TPD52L1: variants seen among roughly 807,000 people sequenced by gnomAD.
TPD52L1 encodes the protein tumor protein D53.
A neutral mutation model predicts 28.7 loss-of-function variants in TPD52L1; 18 were observed. That is an observed-to-expected ratio of 0.63 (90% CI 0.43 to 0.93). The LOEUF is 0.93. Ranked by LOEUF, TPD52L1 falls within the 40% of genes least tolerant of loss-of-function variation. The pLI is 0.00. For synonymous variants in TPD52L1, 75 were observed against 88.8 expected, an observed-to-expected ratio of 0.84 and a Z score of 0.88; for missense variants, 203 against 254.8, an observed-to-expected ratio of 0.80 and a Z score of 1.39.
intron 2 of TPD52L1, among the ~76,000 whole-genome samples, chr6:125,225,345 A>G (rs1795539194): frequency 1.3e-5 from 2 of 152,154 alleles, no homozygotes; most frequent in African/African-American, 4.8e-5. Context: ...CCAGTTCTCA[A>G]TTCTTTGGGG....
intron 1 of TPD52L1, among the ~76,000 whole-genome samples, chr6:125,159,143 T>C (rs1264661584): frequency 1.3e-5 from 2 of 152,210 alleles, no homozygotes; most frequent in Non-Finnish European, 2.9e-5. Flanking sequence ...ACTATTCCTT[T>C]CAAGAAGATT....
At chr6:125,160,561 T>G (rs1199433284) in intron 1 of TPD52L1, among the ~76,000 whole-genome samples, 1 of 152,078 alleles carries the variant, frequency 6.6e-6, no homozygotes, top group Non-Finnish European at 1.5e-5. Flanking sequence ...TAGAACTTTT[T>G]GAATAGTAAG....
chr6:125,189,645 G>A (rs1373975266), intron 1 of TPD52L1, among the ~76,000 whole-genome samples: 2 of 152,168 alleles, frequency 1.3e-5, no homozygotes, highest in South Asian at 2.1e-4. Context: ...TTGTGTGGGT[G>A]TTGTCAAAAG....
intron 3 of TPD52L1, among the ~76,000 whole-genome samples, chr6:125,246,951 A>G (rs1470564825): frequency 6.6e-6 from 1 of 152,124 alleles, no homozygotes; most frequent in Non-Finnish European, 1.5e-5. Context: ...TGTGTTAATA[A>G]ATAACATATA....
chr6:125,188,523 A>T (rs1452649748), intron 1 of TPD52L1, among the ~76,000 whole-genome samples: 1 of 152,204 alleles, frequency 6.6e-6, no homozygotes, highest in Non-Finnish European at 1.5e-5. Context: ...AATACATTTT[A>T]TATCACATTG....
chr6:125,260,949 AAAG>A (rs1797913576), intron 6 of TPD52L1: 1 of 39,084 alleles, frequency 2.6e-5, no homozygotes, highest in East Asian at 7.5e-4. Context: ...AGAAAGAAAG[AAAG>A]AAAGAAAGAA....
At chr6:125,248,497 A>G in intron 4 of TPD52L1, 114 bp downstream of exon 4, 2 of 715,764 alleles carry the variant, frequency 2.8e-6, no homozygotes, top group African/African-American at 1.8e-5. Context: ...TTTAATGGAT[A>G]AAAATGTTAT....
chr6:125,162,255 A>G (rs959144910), intron 1 of TPD52L1, among the ~76,000 whole-genome samples: 1 of 152,292 alleles, frequency 6.6e-6, no homozygotes, highest in Non-Finnish European at 1.5e-5. Context: ...CAAATCATAT[A>G]CCACTGTTTT....
At chr6:125,248,844 A>G (rs1797081723) in intron 4 of TPD52L1, among the ~76,000 whole-genome samples, 2 of 152,206 alleles carry the variant, frequency 1.3e-5, no homozygotes, top group East Asian at 1.9e-4. Context: ...GGTACCACAC[A>G]TATACACTTC....
intron 1 of TPD52L1, among the ~76,000 whole-genome samples, chr6:125,210,583 A>AC (rs879550939): frequency 0.5 from 76,456 of 151,832 alleles, 19,579 homozygotes; most frequent in East Asian, 0.65. Context: ...ACTGGTGTAT[A>AC]TGCATGTAAG....
intron 1 of TPD52L1, among the ~76,000 whole-genome samples, chr6:125,172,851 T>C (rs555372454): frequency 8.1e-4 from 123 of 151,916 alleles, no homozygotes; most frequent in Non-Finnish European, 1.5e-3. Flanking sequence ...GAAAGTCTAC[T>C]GGCTCCTGGT....
intron 1 of TPD52L1, among the ~76,000 whole-genome samples, chr6:125,175,680 T>G (rs942012159): frequency 3.3e-5 from 5 of 152,108 alleles, no homozygotes; most frequent in African/African-American, 1.2e-4. Context: ...GGACAAGAGA[T>G]GCTTCTAATG....
intron 3 of TPD52L1, among the ~76,000 whole-genome samples, chr6:125,238,819 A>T (rs575901716): frequency 6.6e-6 from 1 of 152,310 alleles, no homozygotes; most frequent in Admixed American, 6.5e-5. Flanking sequence ...AATAAAGAAA[A>T]ATTTGGACTT....
chr6:125,242,489 G>C (rs1031840401), intron 3 of TPD52L1, among the ~76,000 whole-genome samples: 1 of 152,044 alleles, frequency 6.6e-6, no homozygotes, highest in African/African-American at 2.4e-5. Flanking sequence ...CGGTGCATAT[G>C]TATTTAGGAT....
chr6:125,160,988 G>A (rs906822716), intron 1 of TPD52L1, among the ~76,000 whole-genome samples: 6 of 152,014 alleles, frequency 3.9e-5, no homozygotes, highest in African/African-American at 1.4e-4. Context: ...GAATAGCAGG[G>A]ATTACAGGTG....
At chr6:125,224,779 A>G (rs1333387965) in intron 2 of TPD52L1, among the ~76,000 whole-genome samples, 2 of 152,248 alleles carry the variant, frequency 1.3e-5, no homozygotes, top group Admixed American at 6.5e-5. Context: ...AATCTAGCAG[A>G]TAAAACTGAA....
In TPD52L1 at chr6:125,263,097, C is replaced by T. The variant is rs1798152420; in HGVS notation, c.*135C>T. The T allele has an allele frequency of 9.2e-7, 1 of 1,086,912 alleles. No individual in the cohort carries two copies. The highest frequency in any genetic ancestry group is 1.3e-6 in the Non-Finnish European group (1 of 786,770). The allele number at this position is 1,086,912 out of a possible 1,614,324, so 67.3% of individuals were successfully genotyped here. A position where few individuals can be genotyped will look rare whatever the true frequency, so the allele number is the denominator to read the frequency against. ...TGACATTGTTATTCAAATGGCCCCT[C>T]CAGAAAGTTTAATGATTTCCATTTG... On this transcript the variant is annotated 3_prime_UTR_variant, in exon 7 of 7. Coordinates refer to ENST00000534000, the MANE Select transcript of TPD52L1 (RefSeq NM_003287.4).
intron 1 of TPD52L1, among the ~76,000 whole-genome samples, chr6:125,199,750 A>G (rs998441403): frequency 6.6e-5 from 10 of 152,260 alleles, no homozygotes; most frequent in Non-Finnish European, 1.3e-4. Context: ...TACAAATTAA[A>G]TGTGCTAGAA....
At chr6:125,257,478 G>T (rs1447442022) in intron 6 of TPD52L1, among the ~76,000 whole-genome samples, 1 of 152,192 alleles carries the variant, frequency 6.6e-6, no homozygotes, top group Non-Finnish European at 1.5e-5. Context: ...AAGGCTATAT[G>T]AATTCTGAAT....
Sources: gnomAD v4.1 joint callset for allele counts (sites outside exome capture counted in the v4.1 genomes callset) on GRCh38, gnomAD v4.1.1 for gene constraint, MANE v1.5 for transcripts, NCBI Gene and HGNC (gene_info 2026-07-23, HGNC 2026-07-21) for gene names.